Variants in ARRB1 observed in about 807,000 individuals in gnomAD.
ARRB1 encodes arrestin beta 1.
Under a neutral mutation model 56.8 loss-of-function variants are expected in ARRB1, and 21 were observed. That is an observed-to-expected ratio of 0.37 (90% CI 0.26 to 0.53). ARRB1 has a LOEUF of 0.53. Among genes scored for constraint, ARRB1 ranks in the 20% least tolerant of loss-of-function variants. The pLI, the probability that ARRB1 is intolerant of heterozygous loss-of-function variation, is 0.88. For synonymous variants in ARRB1, 210 were observed against 218.6 expected (o/e 0.96, Z 0.35); for missense variants, 424 against 553.7 (o/e 0.77, Z 2.35).
Position 75,298,242 on chromosome 11 carries a change from T to TA in ARRB1, c.21-8204dup, listed in dbSNP as rs34770388. Among the ~76,000 whole-genome samples the TA allele has an allele frequency of 1.7e-3, 232 of 135,466 alleles. 1 individual carries two copies. The highest frequency in any genetic ancestry group is 8.0e-3 in the East Asian group (38 of 4,736). 88.9% of individuals were successfully genotyped at this position (135,466 alleles called of 152,430 possible). On this transcript the variant is annotated intron_variant, in intron 1 of 15. Coordinates refer to ENST00000420843, the MANE Select transcript of ARRB1 (RefSeq NM_004041.5). ...TGTACCCTAGAACTTAAAGTATAATTAAAAAAAAAAAAAAAAGAAACCCAC... is the reference window on the plus strand; with the variant it reads ...TGTACCCTAGAACTTAAAGTATAATTAAAAAAAAAAAAAAAAAGAAACCCAC...
At chr11:75,277,260 T>C (rs1006065483) in intron 9 of ARRB1, 104 bp downstream of exon 9, 15 of 1,243,086 alleles carry the variant, frequency 1.2e-5, no homozygotes, top group Non-Finnish European at 1.6e-5. Context: ...TCAGTGGCTA[T>C]TTTTTATACA....
intron 1 of ARRB1, chr11:75,311,992 G>C: frequency 7.9e-7 from 1 of 1,266,566 alleles, no homozygotes; most frequent in Non-Finnish European, 1.0e-6. Context: ...CTGGGAAAAA[G>C]CTGACCGTTC....
chr11:75,338,003 A>C (rs758486738), intron 1 of ARRB1, among the ~76,000 whole-genome samples: 3 of 152,040 alleles, frequency 2.0e-5, no homozygotes, highest in Non-Finnish European at 4.4e-5. Context: ...TTCCAGCTAA[A>C]GAGATCGGCT....
At chr11:75,317,200 C>T (rs1049016077) in intron 1 of ARRB1, among the ~76,000 whole-genome samples, 10 of 152,120 alleles carry the variant, frequency 6.6e-5, no homozygotes, top group African/African-American at 2.4e-4. Context: ...TGGGTAACGG[C>T]CCCATTTCCA....
intron 1 of ARRB1, among the ~76,000 whole-genome samples, chr11:75,317,239 T>C (rs143363780): frequency 6.6e-6 from 1 of 152,214 alleles, no homozygotes; most frequent in Non-Finnish European, 1.5e-5. Context: ...TAGGGTCTTT[T>C]TGAAGGAAAG....
chr11:75,342,705 G>A (rs1458887813), intron 1 of ARRB1, among the ~76,000 whole-genome samples: 3 of 152,100 alleles, frequency 2.0e-5, no homozygotes, highest in African/African-American at 4.8e-5. Flanking sequence ...ATGAAGAATG[G>A]AGCGCGCCCT....
intron 11 of ARRB1, 49 bp from the exon 12 acceptor site, chr11:75,273,027 G>T: frequency 6.4e-7 from 1 of 1,554,526 alleles, no homozygotes; most frequent in South Asian, 1.1e-5. Context: ...CCAGGTGGGC[G>T]AGACACCTCA....
chr11:75,283,782 G>A (rs1243587689), intron 4 of ARRB1, among the ~76,000 whole-genome samples: 3 of 152,190 alleles, frequency 2.0e-5, no homozygotes, highest in African/African-American at 7.2e-5. Flanking sequence ...GGCTTGGCGG[G>A]GGCTGGAGTA....
rs530114279 is a variant in ARRB1 at position 75,295,994 on chromosome 11, G to A, written c.21-5955C>T. Reference sequence around the variant, plus strand: ...GAGGCCAGGAGTTTGAGACCAGCCCGGTGAACACAGTGAAACCTTGTCTCT... The same window carrying A: ...GAGGCCAGGAGTTTGAGACCAGCCCAGTGAACACAGTGAAACCTTGTCTCT... On this transcript the variant is annotated intron_variant, in intron 1 of 15. Transcript: ENST00000420843. Among the ~76,000 whole-genome samples, 678 of 152,110 alleles carry A rather than the reference G, an allele frequency of 4.5e-3. 4 individuals are homozygous for A. Among genetic ancestry groups the A allele is most frequent in the Admixed American group, 0.01 (160 of 15,268 alleles).
At chr11:75,317,680 C>T (rs1054716142) in intron 1 of ARRB1, among the ~76,000 whole-genome samples, 7 of 152,050 alleles carry the variant, frequency 4.6e-5, no homozygotes, top group African/African-American at 1.5e-4. Context: ...GGGTGTGCAC[C>T]GCACTGGCAC....
At chr11:75,339,966 G>A (rs1947670015) in intron 1 of ARRB1, among the ~76,000 whole-genome samples, 1 of 152,200 alleles carries the variant, frequency 6.6e-6, no homozygotes, top group South Asian at 2.1e-4. Flanking sequence ...GGAAGGCCAG[G>A]CCCTCAACTT....
At chr11:75,338,122 T>C (rs952304947) in intron 1 of ARRB1, among the ~76,000 whole-genome samples, 1 of 149,480 alleles carries the variant, frequency 6.7e-6, no homozygotes, top group African/African-American at 2.5e-5. Context: ...GGGAAAGGAG[T>C]GTGGAAGGGA....
intron 1 of ARRB1, among the ~76,000 whole-genome samples, chr11:75,325,922 G>C (rs572579078): frequency 4.6e-5 from 7 of 152,152 alleles, no homozygotes; most frequent in Admixed American, 3.3e-4. Context: ...GGCCCAACTC[G>C]GGCCGGCTGA....
At chr11:75,287,197 G>A (rs1371243570) in intron 3 of ARRB1, 118 bp downstream of exon 3, 4 of 1,030,022 alleles carry the variant, frequency 3.9e-6, no homozygotes, top group Non-Finnish European at 5.6e-6. Context: ...GCCTGAAGCA[G>A]GAAGCCATTC....
chr11:75,312,589 G>A (rs1947186231), intron 1 of ARRB1, among the ~76,000 whole-genome samples: 1 of 152,154 alleles, frequency 6.6e-6, no homozygotes. Context: ...GCTGTGTTGG[G>A]TCATGTGGTA....
Position 75,287,342 on chromosome 11 carries a change from C to T in ARRB1, c.85G>A (p.Asp29Asn). Reference sequence around the variant, plus strand: ...ACAGGGTCCACGAGGTCGATGTGGTCCACAAAGTCCCGCTTTCCCAGGTAG... The same window carrying T: ...ACAGGGTCCACGAGGTCGATGTGGTTCACAAAGTCCCGCTTTCCCAGGTAG... ...TVYLGKRDFV[D>N]HIDLVDPVDG... Residue 29 changes from aspartate (D) to asparagine (N), a missense_variant, in exon 3 of 16, where the codon GAC (aspartate) becomes AAC (asparagine). By Grantham distance (23) the Asp-to-Asn change is conservative (BLOSUM62 1). Transcript: ENST00000420843. The T allele has an allele frequency of 6.4e-7, 1 of 1,560,110 alleles. No homozygotes were observed.
intron 1 of ARRB1, among the ~76,000 whole-genome samples, chr11:75,342,662 C>A (rs1036866090): frequency 6.6e-6 from 1 of 152,150 alleles, no homozygotes; most frequent in African/African-American, 2.4e-5. Context: ...TGCCCACACC[C>A]GGGAAAGGCT....
At chr11:75,267,556 C>T (rs1945953869) in intron 15 of ARRB1, 96 bp downstream of exon 15, 15 of 1,278,558 alleles carry the variant, frequency 1.2e-5, no homozygotes, top group Middle Eastern at 2.6e-4. Context: ...AGACCAGCGG[C>T]TCCTCAGGAG....
intron 1 of ARRB1, among the ~76,000 whole-genome samples, chr11:75,294,194 T>A (rs940008054): frequency 6.6e-6 from 1 of 151,846 alleles, no homozygotes. Context: ...CAGAAGAGGG[T>A]CTGTAGAGTA....
Sources: gnomAD v4.1 joint callset for allele counts (sites outside exome capture counted in the v4.1 genomes callset) on GRCh38, gnomAD v4.1.1 for gene constraint, MANE v1.5 for transcripts, NCBI Gene and HGNC (gene_info 2026-07-23, HGNC 2026-07-21) for gene names.